The following SHISAL1 variants were observed in gnomAD, a reference collection of about 807,000 sequenced individuals.
SHISAL1 encodes the protein protein shisa-like-1.
SHISAL1 carries 9 observed loss-of-function variants against 22.6 expected under a neutral mutation model. The ratio of observed to expected loss-of-function variants is 0.40; its 90% CI spans 0.24 to 0.70. SHISAL1 has a LOEUF of 0.70. Among genes scored for constraint, SHISAL1 ranks in the 30% least tolerant of loss-of-function variants. The pLI is 0.39. For missense variants in SHISAL1, 246 were observed against 270.6 expected, an observed-to-expected ratio of 0.91 and a Z score of 0.64; for synonymous variants, 119 against 115.4, an observed-to-expected ratio of 1.03 and a Z score of -0.20.
intron 3 of SHISAL1, among the ~76,000 whole-genome samples, chr22:44,290,537 A>AAAAAAAAAAAC (rs1264642988): frequency 2.7e-5 from 4 of 148,518 alleles, no homozygotes; most frequent in African/African-American, 7.9e-5. Flanking sequence ...CTCAAAAAAA[A>AAAAAAAAAAAC]AAAAAAACAA....
At chr22:44,291,111 A>G (rs1304686849) in intron 3 of SHISAL1, among the ~76,000 whole-genome samples, 1 of 152,198 alleles carries the variant, frequency 6.6e-6, no homozygotes, top group Non-Finnish European at 1.5e-5. Context: ...TGCTGTGGCC[A>G]CTTCTGAGCA....
the SHISAL1 span, among the ~76,000 whole-genome samples, chr22:44,328,512 G>C: frequency 1.4e-3 from 211 of 152,274 alleles, no homozygotes; most frequent in African/African-American, 5.0e-3. Context: ...CCTGTACTGT[G>C]GACACAGACA....
At chr22:44,251,856 T>C (rs1400623398) in intron 4 of SHISAL1, among the ~76,000 whole-genome samples, 3 of 152,208 alleles carry the variant, frequency 2.0e-5, no homozygotes, top group Non-Finnish European at 4.4e-5. Context: ...AGCCAAACCA[T>C]ATCAGTTGCC....
At position 44,268,550 on chromosome 22, in the gene SHISAL1, G is replaced by A. The variant is rs190028430; in HGVS notation, c.599+16878C>T. On this transcript the variant is annotated intron_variant, in intron 4 of 4. Coordinates refer to ENST00000381176, the MANE Select transcript of SHISAL1 (RefSeq NM_001099294.2). ...GGGTGAGGGAGTGGAACGAGGTGCC[G>A]GGACTCCCAGCCCAGGGTTCTGCTC... Among the ~76,000 whole-genome samples, 12 of 152,296 alleles carry A rather than the reference G, an allele frequency of 7.9e-5. 1 individual carries two copies. In the East Asian group the frequency reaches 1.5e-3, roughly 20 times the overall value.
chr22:44,263,619 G>C (rs749280812), intron 4 of SHISAL1, among the ~76,000 whole-genome samples: 1 of 152,200 alleles, frequency 6.6e-6, no homozygotes, highest in Non-Finnish European at 1.5e-5. Context: ...CCATCACAGG[G>C]TCCTAAGTGA....
intron 4 of SHISAL1, among the ~76,000 whole-genome samples, chr22:44,266,528 A>ATGTGTGTATGTGTGTGTGTGTGTGTG (rs1555926299): frequency 1.1e-4 from 12 of 108,416 alleles, no homozygotes; most frequent in African/African-American, 4.5e-4. Flanking sequence ...GCTTTGGGGT[A>ATGTGTGTATGTGTGTGTGTGTGTGTG]TGTGTGTGTG....
At chr22:44,271,594 G>C (rs1463976298) in intron 4 of SHISAL1, among the ~76,000 whole-genome samples, 1 of 152,208 alleles carries the variant, frequency 6.6e-6, no homozygotes, top group African/African-American at 2.4e-5. Context: ...TAAGACCAGG[G>C]TTTTAATAGC....
At chr22:44,319,803 A>T in the SHISAL1 span, among the ~76,000 whole-genome samples, 5 of 152,148 alleles carry the variant, frequency 3.3e-5, no homozygotes, top group African/African-American at 1.2e-4. Flanking sequence ...TGAAAGATTA[A>T]ATGTAGGAGT....
intron 4 of SHISAL1, among the ~76,000 whole-genome samples, chr22:44,258,859 C>G (rs135440): frequency 0.92 from 140,539 of 152,182 alleles, 65,042 homozygotes; most frequent in East Asian, 0.99. Context: ...ACTCAATTAA[C>G]ATGTAAGAGT....
chr22:44,271,363 A>G (rs557160352), intron 4 of SHISAL1, among the ~76,000 whole-genome samples: 1 of 152,236 alleles, frequency 6.6e-6, no homozygotes, highest in East Asian at 1.9e-4. Flanking sequence ...TCACAGCTGA[A>G]GCAATCAGTT....
intron 4 of SHISAL1, among the ~76,000 whole-genome samples, chr22:44,250,079 G>C (rs544206484): frequency 7.9e-5 from 12 of 152,322 alleles, no homozygotes; most frequent in Admixed American, 5.2e-4. Flanking sequence ...TTTATAAAAT[G>C]CAACAGTGTG....
At chr22:44,303,267 C>T (rs917457644) in intron 1 of SHISAL1, among the ~76,000 whole-genome samples, 7 of 152,030 alleles carry the variant, frequency 4.6e-5, no homozygotes, top group Non-Finnish European at 1.0e-4. Context: ...ATTGTGTTCC[C>T]CCCAAATTCA....
chr22:44,317,350 G>T (rs538111724), upstream of SHISAL1, among the ~76,000 whole-genome samples: 2 of 152,226 alleles, frequency 1.3e-5, no homozygotes, highest in African/African-American at 4.8e-5. Flanking sequence ...GGGGCGGTCC[G>T]CGCCCAGGAG....
intron 1 of SHISAL1, among the ~76,000 whole-genome samples, chr22:44,308,251 GC>G (rs1300166609): frequency 1.3e-5 from 2 of 152,224 alleles, no homozygotes; most frequent in Non-Finnish European, 2.9e-5. Flanking sequence ...CGTGCTTCTT[GC>G]TGCTGCTGTC....
Position 44,247,827 on chromosome 22 carries a change from A to T in SHISAL1, c.*1858T>A, listed in dbSNP as rs916981618. ...CTCACAGCAGAGCCCAGAGCTGGGCACTATCACCCTCATCTCCTTCTGCCT... is the reference window on the plus strand; with the variant it reads ...CTCACAGCAGAGCCCAGAGCTGGGCTCTATCACCCTCATCTCCTTCTGCCT... On this transcript the variant is annotated 3_prime_UTR_variant, in exon 5 of 5. Transcript: ENST00000381176. The T allele has an allele frequency of 1.3e-5, 2 of 152,090 alleles. No homozygotes were observed. The highest frequency in any genetic ancestry group is 4.8e-5 in the African/African-American group (2 of 41,374). 9.4% of individuals were successfully genotyped at this position (152,090 alleles called of 1,614,324 possible).
At chr22:44,277,380 G>A (rs910835419) in intron 4 of SHISAL1, among the ~76,000 whole-genome samples, 7 of 152,210 alleles carry the variant, frequency 4.6e-5, no homozygotes, top group Non-Finnish European at 7.3e-5. Flanking sequence ...CAAAACAGGG[G>A]ACCTGGGATT....
intron 4 of SHISAL1, among the ~76,000 whole-genome samples, chr22:44,275,321 C>T (rs1296167853): frequency 5.9e-5 from 9 of 152,194 alleles, no homozygotes; most frequent in Non-Finnish European, 8.8e-5. Context: ...GCACCCCAAC[C>T]GAGCACACAC....
chr22:44,283,977 G>T (rs1238813439), intron 4 of SHISAL1, among the ~76,000 whole-genome samples: 1 of 151,950 alleles, frequency 6.6e-6, no homozygotes, highest in Non-Finnish European at 1.5e-5. Context: ...AAGGGTGGAG[G>T]CTGGCTTCTT....
chr22:44,306,741 T>C, intron 1 of SHISAL1, among the ~76,000 whole-genome samples: 1 of 128,552 alleles, frequency 7.8e-6, no homozygotes, highest in South Asian at 2.8e-4. Context: ...GGAGGGGACC[T>C]GGGCTCGGGG....
Sources: gnomAD v4.1 joint callset for allele counts (sites outside exome capture counted in the v4.1 genomes callset) on GRCh38, gnomAD v4.1.1 for gene constraint, MANE v1.5 for transcripts, NCBI Gene and HGNC (gene_info 2026-07-23, HGNC 2026-07-21) for gene names.